The following SMYD2 variants were observed in gnomAD, a reference collection of about 807,000 sequenced individuals.
The protein encoded by SMYD2 is N-lysine methyltransferase SMYD2.
A neutral mutation model predicts 59.1 loss-of-function variants in SMYD2; 53 were observed. That is an observed-to-expected ratio of 0.90 (90% CI 0.72 to 1.13). The LOEUF (loss-of-function observed/expected upper bound fraction) is 1.13. Ranked by LOEUF, SMYD2 falls within the 50% of genes most tolerant of loss-of-function variation. The pLI is 0.00. For missense variants in SMYD2, 494 were observed against 544.7 expected (o/e 0.91, Z 0.93); for synonymous variants, 208 against 198.8 (o/e 1.05, Z -0.39).
intron 1 of SMYD2, among the ~76,000 whole-genome samples, chr1:214,283,774 C>G (rs1276394615): frequency 6.6e-6 from 1 of 152,134 alleles, no homozygotes; most frequent in Admixed American, 6.5e-5. Context: ...GCTCCACACA[C>G]CCAAAAGAAA....
chr1:214,291,318 G>A (rs1656632228), intron 1 of SMYD2, among the ~76,000 whole-genome samples: 1 of 152,158 alleles, frequency 6.6e-6, no homozygotes, highest in Non-Finnish European at 1.5e-5. Context: ...GGTCATCCAG[G>A]TATGTCATGA....
intron 11 of SMYD2, 26 bp from the exon 12 acceptor site, chr1:214,336,678 T>C (rs751909089): frequency 6.2e-7 from 1 of 1,610,250 alleles, no homozygotes; most frequent in South Asian, 1.1e-5. Context: ...TTCTAGGCTC[T>C]CATTGTTTGT....
chr1:214,330,237 T>G lies in SMYD2; in HGVS notation c.775T>G (p.Phe259Val), dbSNP rs921712526. 2 of 1,613,540 alleles carry G rather than the reference T, an allele frequency of 1.2e-6. No homozygotes were observed. The highest frequency in any genetic ancestry group is 8.5e-7 in the Non-Finnish European group (1 of 1,179,620). ...DRNDRLRDSY[F>V]FTCECQECTT... ...AAATGACCGGTTAAGAGATTCTTAT[T>G]TCTTTACCTGTGAGTGCCAGGAGTG... Residue 259 changes from phenylalanine (F) to valine (V), a missense_variant, in exon 8 of 12, where the codon TTC (phenylalanine) becomes GTC (valine). By Grantham distance (50) the Phe-to-Val change is conservative. Transcript: ENST00000366957.
rs756823866 is a variant in SMYD2, at chr1:214,299,465, T to TTATATATATATATA, written c.174-5717_174-5704dup. Reference sequence around the variant, plus strand: ...AACAGTGAACTGGATAAAGAAAACATTATATATATATATATATACACCATA... The same window carrying TTATATATATATATA: ...AACAGTGAACTGGATAAAGAAAACATTATATATATATATATATATATATATATATATACACCATA... On this transcript the variant is annotated intron_variant, in intron 1 of 11. Transcript: ENST00000366957. 7.4e-3 allele frequency among the ~76,000 whole-genome samples: 529 copies of TTATATATATATATA among 71,508 alleles called. 7 individuals are homozygous for TTATATATATATATA. The highest frequency in any genetic ancestry group is 0.035 in the African/African-American group (464 of 13,400). The allele number at this position is 71,508 out of a possible 152,430, so 46.9% of individuals were successfully genotyped here. A position where few individuals can be genotyped will look rare whatever the true frequency, so the allele number is the denominator to read the frequency against.
chr1:214,327,636 A>G lies in SMYD2; in HGVS notation c.617A>G (p.Asn206Ser). ...CTGACTGACAGTGTTGCATTGATGA[A>G]TCATAGCTGTTGCCCCAATGTCATT... Reference protein sequence around the residue: ...SAIFPDVALMNHSCCPNVIVT... With the variant: ...SAIFPDVALMSHSCCPNVIVT... The change falls in exon 7 of 12, where the codon AAT becomes AGT. Residue 206 changes from asparagine (N) to serine (S), a missense_variant. Physicochemically the swap from Asn to Ser is conservative, Grantham distance 46. Coordinates refer to ENST00000366957, the MANE Select transcript of SMYD2 (RefSeq NM_020197.3). The G allele has an allele frequency of 1.9e-6, 3 of 1,614,140 alleles. No homozygotes were observed. Among genetic ancestry groups the G allele is most frequent in the Non-Finnish European group, 8.5e-7 (1 of 1,179,984 alleles).
Position 214,318,886 on chromosome 1 carries a change from A to C in SMYD2, c.437A>C (p.Lys146Thr), listed in dbSNP as rs773909241. The change falls in exon 5 of 12, where the codon AAG becomes ACG. Residue 146 changes from lysine (K) to threonine (T), a missense_variant. Coordinates refer to ENST00000366957, the MANE Select transcript of SMYD2 (RefSeq NM_020197.3). This position sits in a 1 kb window ranked among gnomAD's most constrained non-coding sequence, Gnocchi z 5.4. Reference sequence around the variant, plus strand: ...CTGGATAAGTTAGACAATGAGAAGAAGGATTTGATTCAGAGTGACATAGCT... The same window carrying C: ...CTGGATAAGTTAGACAATGAGAAGACGGATTTGATTCAGAGTGACATAGCT... ...SHLDKLDNEKKDLIQSDIAAL... is the reference protein window; with the variant it reads ...SHLDKLDNEKTDLIQSDIAAL... The C allele has an allele frequency of 1.2e-6, 2 of 1,613,916 alleles. No homozygotes were observed. Among genetic ancestry groups the C allele is most frequent in the African/African-American group, 2.7e-5 (2 of 74,898 alleles).
At chr1:214,291,473 C>T (rs1203138929) in intron 1 of SMYD2, among the ~76,000 whole-genome samples, 1 of 152,186 alleles carries the variant, frequency 6.6e-6, no homozygotes, top group Non-Finnish European at 1.5e-5. Flanking sequence ...CCTACCCTGC[C>T]CCTCAGTCTA....
rs182073421 is a variant in SMYD2, at chr1:214,302,961, C to T, written c.174-2226C>T. Among the ~76,000 whole-genome samples the T allele has an allele frequency of 1.1e-3, 168 of 152,232 alleles. 2 individuals are homozygous for T. Among genetic ancestry groups the T allele is most frequent in the Admixed American group, 9.1e-3 (139 of 15,286 alleles). The stretch of plus-strand genomic sequence containing the variant: ...TGGTGTCAGAGGCTCTTTGCTGGTC[C>T]TACATATGGGCTTTTAGGTGGCCCC... On this transcript the variant is annotated intron_variant, in intron 1 of 11. Coordinates refer to ENST00000366957, the MANE Select transcript of SMYD2 (RefSeq NM_020197.3).
intron 10 of SMYD2, 116 bp downstream of exon 10, chr1:214,332,308 C>A: frequency 8.2e-7 from 1 of 1,215,260 alleles, no homozygotes; most frequent in East Asian, 2.5e-5. Context: ...GCTGCCTCTT[C>A]TCTGCACCCA....
At position 214,312,429 on chromosome 1, in the gene SMYD2, A is replaced by G. The variant is rs1657011768; in HGVS notation, c.238-2333A>G. The stretch of plus-strand genomic sequence containing the variant: ...TGGGGAGAGACAGATACTAAACCAA[A>G]CAACTAATAAATATATAATATGCTC... On this transcript the variant is annotated intron_variant, in intron 2 of 11. Coordinates refer to ENST00000366957, the MANE Select transcript of SMYD2 (RefSeq NM_020197.3). This position sits in a 1 kb window ranked among gnomAD's most constrained non-coding sequence, Gnocchi z 4.1. Among the ~76,000 whole-genome samples the G allele has an allele frequency of 6.6e-6, 1 of 152,338 alleles. No individual in the cohort carries two copies. The highest frequency in any genetic ancestry group is 1.9e-4 in the East Asian group (1 of 5,186).
At chr1:214,317,994 A>T in intron 3 of SMYD2, 85 bp from the exon 4 acceptor site, 2 of 1,204,720 alleles carry the variant, frequency 1.7e-6, no homozygotes, top group Admixed American at 3.6e-5. Context: ...CTTTTTCTTT[A>T]TGTTGATGTA....
intron 1 of SMYD2, among the ~76,000 whole-genome samples, chr1:214,291,034 A>G (rs1656628638): frequency 1.3e-5 from 2 of 152,306 alleles, no homozygotes; most frequent in East Asian, 1.9e-4. Context: ...AACCTCACCA[A>G]TAAGACACAT....
intron 1 of SMYD2, among the ~76,000 whole-genome samples, chr1:214,290,243 C>A (rs1656614748): frequency 6.6e-6 from 1 of 152,206 alleles, no homozygotes; most frequent in African/African-American, 2.4e-5. Context: ...CAGGAAACAA[C>A]TTATCTTTCT....
chr1:214,315,007 G>T, intron 3 of SMYD2, 135 bp downstream of exon 3: 1 of 683,236 alleles, frequency 1.5e-6, no homozygotes, highest in Non-Finnish European at 2.6e-6. Flanking sequence ...TATCCATATG[G>T]ACAGGGGTGG....
chr1:214,333,359 G>A (rs1657386914), intron 10 of SMYD2: 2 of 152,244 alleles, frequency 1.3e-5, no homozygotes, highest in African/African-American at 4.8e-5. Context: ...GCCCCTCCCG[G>A]AAGCCCAGCT....
rs762098187 is a variant in SMYD2 at position 214,330,989 on chromosome 1, C to T, written c.856C>T (p.Pro286Ser). 9.9e-6 allele frequency: 16 copies of T among 1,614,208 alleles called. No individual in the cohort carries two copies. The Admixed American group carries it at 2.7e-4, about 27-fold the overall frequency. ...GGAAATCCGGAAGCTCAGCGATCCC[C>T]CAAAGGCAGAAGCCATCCGAGACAT... is the stretch of plus-strand genomic sequence containing the variant. ...KVEIRKLSDP[P>S]KAEAIRDMVR... is the part of the protein sequence containing the mutation. The change falls in exon 9 of 12, where the codon CCA (proline) becomes TCA (serine). Residue 286 changes from proline to serine, a missense_variant. Coordinates refer to ENST00000366957, the MANE Select transcript of SMYD2 (RefSeq NM_020197.3).
rs1657429466 is a variant in SMYD2, at chr1:214,335,983, C to G, written c.1222-721C>G. ...GCTACGTCTTGCAGGTTAGTAATGT[C>G]AACTAAAAATCAAAATAGCTTTGAT... On this transcript the variant is annotated intron_variant, in intron 11 of 11. Coordinates refer to ENST00000366957, the MANE Select transcript of SMYD2 (RefSeq NM_020197.3). 2.6e-5 allele frequency among the ~76,000 whole-genome samples: 4 copies of G among 152,116 alleles called. No individual in the cohort carries two copies. In the South Asian group the frequency reaches 8.3e-4, roughly 32 times the overall value.
In SMYD2 at chr1:214,288,136, C is replaced by T. The variant is rs573560713; in HGVS notation, c.173+6709C>T. Among the ~76,000 whole-genome samples, 9 of 152,266 alleles carry T rather than the reference C, an allele frequency of 5.9e-5. No individual in the cohort carries two copies. In the South Asian group the frequency reaches 1.5e-3, roughly 25 times the overall value. Reference sequence around the variant, plus strand: ...ACCACCATCTAACACCTTTCCCTCCCGAAGCAATTGCACAGAATCCTCTCA... The same window carrying T: ...ACCACCATCTAACACCTTTCCCTCCTGAAGCAATTGCACAGAATCCTCTCA... On this transcript the variant is annotated intron_variant, in intron 1 of 11. Coordinates refer to ENST00000366957, the MANE Select transcript of SMYD2 (RefSeq NM_020197.3).
At chr1:214,303,218 C>T (rs10779613) in intron 1 of SMYD2, among the ~76,000 whole-genome samples, 79,309 of 151,940 alleles carry the variant, frequency 0.52, 21,556 homozygotes, top group African/African-American at 0.68. Flanking sequence ...CCCACCGTTA[C>T]CTATTTCCTG....
Sources: gnomAD v4.1 joint callset for allele counts (sites outside exome capture counted in the v4.1 genomes callset) on GRCh38, gnomAD v4.1.1 for gene constraint, Gnocchi (gnomAD v3.1) non-coding constraint, MANE v1.5 for transcripts, NCBI Gene and HGNC (gene_info 2026-07-23, HGNC 2026-07-21) for gene names.